Variants in VTI1A observed in about 807,000 individuals in gnomAD.
VTI1A encodes vesicle transport through interaction with t-SNAREs 1A.
In VTI1A, 22 loss-of-function variants were observed where a neutral mutation model predicts 34.9. That is an observed-to-expected ratio of 0.63 (90% CI 0.45 to 0.90). VTI1A has a LOEUF of 0.90. Among genes scored for constraint, VTI1A ranks in the 40% least tolerant of loss-of-function variants. The pLI, the probability that VTI1A is intolerant of heterozygous loss-of-function variation, is 0.00. For missense variants in VTI1A, 268 were observed against 275.6 expected (o/e 0.97, Z 0.20); for synonymous variants, 87 against 97.3 (o/e 0.89, Z 0.62).
intron 3 of VTI1A, among the ~76,000 whole-genome samples, chr10:112,522,809 G>A (rs1200452679): frequency 6.6e-6 from 1 of 152,028 alleles, no homozygotes; most frequent in Non-Finnish European, 1.5e-5. Flanking sequence ...TAATTCATAT[G>A]CAACAGAATA....
chr10:112,496,283 G>C (rs751441522), intron 3 of VTI1A, among the ~76,000 whole-genome samples: 1 of 147,146 alleles, frequency 6.8e-6, no homozygotes, highest in Non-Finnish European at 1.5e-5. Flanking sequence ...TACATATGAA[G>C]GTTGGGCCAG....
chr10:112,594,103 G>A (rs1391279002), intron 5 of VTI1A, among the ~76,000 whole-genome samples: 3 of 152,060 alleles, frequency 2.0e-5, no homozygotes, highest in African/African-American at 7.2e-5. Context: ...AGTAGAGTCG[G>A]GGTTTCACTG....
intron 3 of VTI1A, among the ~76,000 whole-genome samples, chr10:112,479,665 C>T (rs1369193317): frequency 2.6e-5 from 4 of 152,254 alleles, no homozygotes; most frequent in East Asian, 3.9e-4. Flanking sequence ...CCCACCTTCC[C>T]GTAACTCATC....
At chr10:112,715,002 A>C (rs572880563) in intron 7 of VTI1A, among the ~76,000 whole-genome samples, 95 of 152,204 alleles carry the variant, frequency 6.2e-4, no homozygotes, top group Non-Finnish European at 1.2e-3. Flanking sequence ...ATCACATTTG[A>C]GCCCAAATAT....
chr10:112,487,607 G>A (rs1848688451), intron 3 of VTI1A, among the ~76,000 whole-genome samples: 1 of 152,090 alleles, frequency 6.6e-6, no homozygotes, highest in Non-Finnish European at 1.5e-5. Flanking sequence ...GTTATGTACA[G>A]TTGCTTCACT....
intron 7 of VTI1A, among the ~76,000 whole-genome samples, chr10:112,710,394 A>G (rs962606023): frequency 3.3e-5 from 5 of 151,894 alleles, no homozygotes; most frequent in African/African-American, 1.2e-4. Flanking sequence ...TTTAGTAGAA[A>G]TGGGGTTTTG....
chr10:112,845,560 G>GA, the VTI1A span, among the ~76,000 whole-genome samples: 1 of 152,184 alleles, frequency 6.6e-6, no homozygotes, highest in African/African-American at 2.4e-5. Flanking sequence ...CCACAAACGG[G>GA]AGAAGCGGTA....
chr10:112,662,740 A>G (rs986323049), intron 5 of VTI1A, among the ~76,000 whole-genome samples: 1 of 152,180 alleles, frequency 6.6e-6, no homozygotes, highest in African/African-American at 2.4e-5. Flanking sequence ...AAAAAGAACA[A>G]GGGAATCTGA....
chr10:112,801,680 G>C (rs1204595586), intron 7 of VTI1A, among the ~76,000 whole-genome samples: 1 of 152,164 alleles, frequency 6.6e-6, no homozygotes, highest in Admixed American at 6.5e-5. Flanking sequence ...TGTGGTACCA[G>C]GTCATTGGCA....
At position 112,569,746 on chromosome 10, in the gene VTI1A, C is replaced by T. The variant is rs1219131341; in HGVS notation, c.427+31416C>T. On this transcript the variant is annotated intron_variant, in intron 5 of 7. Coordinates refer to ENST00000393077, the MANE Select transcript of VTI1A (RefSeq NM_145206.4). ...GTGCCTGGGTGCCTACTAAAAAAAA[C>T]ACAGCTTCCTGGGTGCCAATGATAA... Among the ~76,000 whole-genome samples, 3 of 152,246 alleles carry T rather than the reference C, an allele frequency of 2.0e-5. No homozygotes were observed. The South Asian group carries it at 6.2e-4, about 32-fold the overall frequency.
intron 5 of VTI1A, among the ~76,000 whole-genome samples, chr10:112,544,501 G>C (rs1850997638): frequency 6.6e-6 from 1 of 152,050 alleles, no homozygotes; most frequent in African/African-American, 2.4e-5. Flanking sequence ...ACGCCCGGCT[G>C]AGACAGACAT....
intron 7 of VTI1A, among the ~76,000 whole-genome samples, chr10:112,717,390 G>A (rs536128489): frequency 6.6e-6 from 1 of 152,212 alleles, no homozygotes; most frequent in East Asian, 1.9e-4. Context: ...GGATTTTGGC[G>A]GGTTAGGAAA....
intron 7 of VTI1A, among the ~76,000 whole-genome samples, chr10:112,759,147 C>T (rs2134004659): frequency 6.6e-6 from 1 of 152,156 alleles, no homozygotes; most frequent in African/African-American, 2.4e-5. Context: ...GGTTGGGAGC[C>T]AAGTTAAGCT....
intron 3 of VTI1A, among the ~76,000 whole-genome samples, chr10:112,513,448 GGGTTTTCTATATATAA>G (rs1849679873): frequency 6.6e-6 from 1 of 151,960 alleles, no homozygotes; most frequent in Non-Finnish European, 1.5e-5. Context: ...GGCATCTTTA[GGGTTTTCTATATATAA>G]GGTTATGTCA....
intron 5 of VTI1A, among the ~76,000 whole-genome samples, chr10:112,617,036 CAG>C (rs1462063624): frequency 4.6e-5 from 7 of 152,074 alleles, no homozygotes; most frequent in Non-Finnish European, 1.0e-4. Context: ...CATAAATCCA[CAG>C]AGACACAACA....
chr10:112,803,878 C>T (rs1249334730), intron 7 of VTI1A, among the ~76,000 whole-genome samples: 1 of 152,214 alleles, frequency 6.6e-6, no homozygotes, highest in East Asian at 1.9e-4. Context: ...TCTAGAACAT[C>T]CTTATTTAAT....
chr10:112,821,255 C>A (rs958675675), downstream of VTI1A, among the ~76,000 whole-genome samples: 1 of 152,178 alleles, frequency 6.6e-6, no homozygotes, highest in Non-Finnish European at 1.5e-5. Context: ...CGGCTGCAAA[C>A]CCGGCTCCGC....
the VTI1A span, among the ~76,000 whole-genome samples, chr10:112,853,434 G>A: frequency 6.6e-6 from 1 of 152,154 alleles, no homozygotes; most frequent in Admixed American, 6.5e-5. Context: ...TTATATACTG[G>A]AGATACCAGG....
rs368207471 is a variant in VTI1A at position 112,771,604 on chromosome 10, G to T, written c.561-43686G>T. 5.3e-3 allele frequency among the ~76,000 whole-genome samples: 800 copies of T among 152,208 alleles called. 7 individuals carry two copies. The highest frequency in any genetic ancestry group is 0.018 in the African/African-American group (758 of 41,542). ...CATTTAAAGTATACAATTCAATGGG[G>T]TTTTTTTAGTATACTCTTATATGTG... On this transcript the variant is annotated intron_variant, in intron 7 of 7. Transcript: ENST00000393077.
Sources: allele counts gnomAD v4.1 joint callset (sites outside exome capture counted in the v4.1 genomes callset), GRCh38; gene constraint gnomAD v4.1.1; transcripts MANE v1.5; gene names NCBI Gene and HGNC (gene_info 2026-07-23, HGNC 2026-07-21).